GRM7: variants seen among roughly 807,000 people sequenced by gnomAD.
GRM7 encodes the protein metabotropic glutamate receptor 7.
In GRM7, 35 loss-of-function variants were observed where a neutral mutation model predicts 84.5. The observed-to-expected ratio is 0.41, with a 90% CI of 0.32 to 0.55. The LOEUF is 0.55. Ranked by LOEUF, GRM7 falls within the 20% of genes least tolerant of loss-of-function variation. The pLI is 0.19. For synonymous variants in GRM7, 487 were observed against 455.1 expected (o/e 1.07, Z -0.89); for missense variants, 1,003 against 1,194.6 (o/e 0.84, Z 2.36).
intron 9 of GRM7, among the ~76,000 whole-genome samples, chr3:7,736,857 C>T (rs1052413527): frequency 6.6e-6 from 1 of 152,086 alleles, no homozygotes; most frequent in African/African-American, 2.4e-5. Flanking sequence ...CATCTATACA[C>T]ACATTCTTCA....
At chr3:7,716,460 A>C (rs74992519) in intron 9 of GRM7, among the ~76,000 whole-genome samples, 3,564 of 152,332 alleles carry the variant, frequency 0.023, 145 homozygotes, top group African/African-American at 0.081. Context: ...AAGTGATACC[A>C]ATATTTAGTA....
intron 1 of GRM7, among the ~76,000 whole-genome samples, chr3:6,998,289 G>C (rs34702396): frequency 1.3e-5 from 2 of 152,216 alleles, no homozygotes; most frequent in Non-Finnish European, 2.9e-5. Flanking sequence ...TTAAAGCTTA[G>C]AAATAATCTC....
chr3:6,998,940 C>G (rs1694918748), intron 1 of GRM7, among the ~76,000 whole-genome samples: 1 of 152,196 alleles, frequency 6.6e-6, no homozygotes, highest in South Asian at 2.1e-4. Context: ...CTGACATGCC[C>G]TAGAGACATT....
At chr3:6,876,008 G>T (rs866084503) in intron 1 of GRM7, among the ~76,000 whole-genome samples, 3 of 152,116 alleles carry the variant, frequency 2.0e-5, no homozygotes, top group Non-Finnish European at 4.4e-5. Context: ...TGGCTCACGC[G>T]TGTAACCATA....
intron 1 of GRM7, among the ~76,000 whole-genome samples, chr3:6,936,868 T>C (rs1575036756): frequency 1.3e-5 from 2 of 152,342 alleles, no homozygotes; most frequent in East Asian, 3.9e-4. Context: ...TGCTTTCAAA[T>C]TGTGAACAAT....
At chr3:7,395,917 C>T (rs535516455) in intron 4 of GRM7, among the ~76,000 whole-genome samples, 1 of 152,186 alleles carries the variant, frequency 6.6e-6, no homozygotes, top group Admixed American at 6.5e-5. Context: ...ATTCAATCTT[C>T]TCACGCAGAT....
chr3:6,878,601 C>A (rs908179508), intron 1 of GRM7, among the ~76,000 whole-genome samples: 3 of 151,862 alleles, frequency 2.0e-5, no homozygotes, highest in African/African-American at 7.3e-5. Context: ...AAGAAAATTC[C>A]ACTTGAGAAA....
chr3:7,264,083 A>G (rs1698543195), intron 2 of GRM7, among the ~76,000 whole-genome samples: 1 of 152,054 alleles, frequency 6.6e-6, no homozygotes, highest in Admixed American at 6.5e-5. Flanking sequence ...GCTATGATGC[A>G]GGCTCTCAGG....
chr3:6,880,327 C>A (rs75633592), intron 1 of GRM7, among the ~76,000 whole-genome samples: 6,088 of 152,138 alleles, frequency 0.04, 169 homozygotes, highest in Non-Finnish European at 0.057. Flanking sequence ...ATTATACAAC[C>A]CCCTAGAGAG....
intron 2 of GRM7, among the ~76,000 whole-genome samples, chr3:7,260,673 T>TTGTTTGTGTGTGTG (rs1698387656): frequency 6.9e-6 from 1 of 144,428 alleles, no homozygotes; most frequent in African/African-American, 2.5e-5. Context: ...TTCTTTTGAA[T>TTGTTTGTGTGTGTG]TGTGTGTGTG....
chr3:7,513,823 C>G (rs914123309), intron 7 of GRM7, among the ~76,000 whole-genome samples: 3 of 152,204 alleles, frequency 2.0e-5, no homozygotes, highest in South Asian at 2.1e-4. Context: ...GATCACTTCA[C>G]TATGTTTTCT....
intron 1 of GRM7, among the ~76,000 whole-genome samples, chr3:7,145,857 A>G (rs1694092532): frequency 6.6e-6 from 1 of 152,198 alleles, no homozygotes; most frequent in African/African-American, 2.4e-5. Flanking sequence ...TGCAAAGACC[A>G]CTAGAGTAAA....
chr3:7,460,444 C>G lies in GRM7; in HGVS notation c.1376-1139C>G, dbSNP rs1305185308. On this transcript the variant is annotated intron_variant, in intron 6 of 9. Coordinates refer to ENST00000357716, the MANE Select transcript of GRM7 (RefSeq NM_000844.4). ...CTGGGGCTCACATTGGGAGAGGGTA[C>G]TGATATTCTCAGAGCAGCATTGCTT... 2.6e-5 allele frequency among the ~76,000 whole-genome samples: 4 copies of G among 151,872 alleles called. No homozygotes were observed. The South Asian group carries it at 6.2e-4, about 24-fold the overall frequency.
intron 1 of GRM7, among the ~76,000 whole-genome samples, chr3:6,973,097 C>T (rs982371621): frequency 5.3e-5 from 8 of 152,156 alleles, no homozygotes; most frequent in Non-Finnish European, 1.0e-4. Context: ...TGTATATCAA[C>T]CATAAAGACT....
intron 1 of GRM7, among the ~76,000 whole-genome samples, chr3:6,992,113 G>A (rs150825105): frequency 1.1e-4 from 17 of 152,336 alleles, no homozygotes; most frequent in Middle Eastern, 3.4e-3. Context: ...AGGTGTAGCC[G>A]TAGGCTGAGG....
chr3:7,035,781 C>A (rs1188607279), intron 1 of GRM7, among the ~76,000 whole-genome samples: 1 of 152,002 alleles, frequency 6.6e-6, no homozygotes, highest in Non-Finnish European at 1.5e-5. Context: ...TTGGGGACAT[C>A]TCAGAGACAA....
intron 8 of GRM7, among the ~76,000 whole-genome samples, chr3:7,596,872 A>G (rs1696070525): frequency 1.3e-5 from 2 of 152,164 alleles, no homozygotes; most frequent in African/African-American, 2.4e-5. Context: ...AGAGGGTTAT[A>G]GGATCAAGGG....
At chr3:6,984,175 A>T (rs1160812782) in intron 1 of GRM7, among the ~76,000 whole-genome samples, 2 of 152,210 alleles carry the variant, frequency 1.3e-5, no homozygotes, top group Non-Finnish European at 2.9e-5. Flanking sequence ...AATACACAGA[A>T]ACTTATTTGC....
chr3:7,555,693 G>C (rs1431108736), intron 7 of GRM7, among the ~76,000 whole-genome samples: 1 of 152,088 alleles, frequency 6.6e-6, no homozygotes, highest in Non-Finnish European at 1.5e-5. Context: ...TTATATTTAA[G>C]GCAGATGCTT....
Sources: gnomAD v4.1 joint callset for allele counts (sites outside exome capture counted in the v4.1 genomes callset) on GRCh38, gnomAD v4.1.1 for gene constraint, MANE v1.5 for transcripts, NCBI Gene and HGNC (gene_info 2026-07-23, HGNC 2026-07-21) for gene names.